Variants in DYNC1I1 observed in about 807,000 individuals in gnomAD.
DYNC1I1 encodes cytoplasmic dynein 1 intermediate chain 1.
Under a neutral mutation model 86.6 loss-of-function variants are expected in DYNC1I1, and 43 were observed. That is an observed-to-expected ratio of 0.50 (90% CI 0.39 to 0.64). The LOEUF is 0.64. DYNC1I1 is among the 30% of genes least tolerant of loss of function. DYNC1I1 has a pLI of 0.00. For synonymous variants in DYNC1I1, 262 were observed against 283.7 expected, an observed-to-expected ratio of 0.92 and a Z score of 0.77; for missense variants, 604 against 788.8, an observed-to-expected ratio of 0.77 and a Z score of 2.81.
intron 10 of DYNC1I1, among the ~76,000 whole-genome samples, chr7:96,014,146 AT>A (rs1472312073): frequency 1.3e-5 from 2 of 152,198 alleles, no homozygotes; most frequent in Non-Finnish European, 2.9e-5. Flanking sequence ...GAACAGAGTC[AT>A]GCTTTTGCAT....
chr7:96,085,566 G>A (rs1790653305), intron 16 of DYNC1I1, among the ~76,000 whole-genome samples: 1 of 152,118 alleles, frequency 6.6e-6, no homozygotes, highest in Non-Finnish European at 1.5e-5. Context: ...TTCACAGATA[G>A]GGGTCTATTT....
At chr7:95,960,000 T>C (rs745919095) in intron 6 of DYNC1I1, among the ~76,000 whole-genome samples, 11 of 152,158 alleles carry the variant, frequency 7.2e-5, no homozygotes, top group South Asian at 2.1e-4. Context: ...ACTTGTGCAG[T>C]GTAAGGATAA....
chr7:96,054,780 T>G (rs879415395), intron 14 of DYNC1I1, among the ~76,000 whole-genome samples: 9 of 152,264 alleles, frequency 5.9e-5, no homozygotes, highest in Non-Finnish European at 2.9e-5. Flanking sequence ...TTGAGAAGTG[T>G]CTGTTCATAT....
intron 10 of DYNC1I1, among the ~76,000 whole-genome samples, chr7:96,013,858 T>G (rs1794338944): frequency 6.6e-6 from 1 of 152,148 alleles, no homozygotes; most frequent in Non-Finnish European, 1.5e-5. Flanking sequence ...TTCTGAGGCT[T>G]CCAACTCCAA....
At chr7:96,091,413 T>C (rs1790842395) in intron 16 of DYNC1I1, among the ~76,000 whole-genome samples, 1 of 152,176 alleles carries the variant, frequency 6.6e-6, no homozygotes, top group South Asian at 2.1e-4. Flanking sequence ...ATTGAAAAAT[T>C]ACAAAGAGGC....
intron 6 of DYNC1I1, among the ~76,000 whole-genome samples, chr7:95,929,762 G>T (rs1399283469): frequency 1.3e-5 from 2 of 152,200 alleles, no homozygotes; most frequent in African/African-American, 4.8e-5. Flanking sequence ...TCATCATATG[G>T]TACATATGCA....
downstream of DYNC1I1, among the ~76,000 whole-genome samples, chr7:96,101,756 C>T (rs1791140502): frequency 6.6e-6 from 1 of 152,096 alleles, no homozygotes; most frequent in Non-Finnish European, 1.5e-5. Flanking sequence ...GGTACCTGGC[C>T]TCTGGGATAA....
chr7:96,064,210 A>ATCTCTCTCTCTC (rs10557179), intron 14 of DYNC1I1, among the ~76,000 whole-genome samples: 1 of 140,930 alleles, frequency 7.1e-6, no homozygotes, highest in African/African-American at 2.6e-5. Flanking sequence ...AAATATTCAT[A>ATCTCTCTCTCTC]TCTCTCTCTC....
intron 1 of DYNC1I1, among the ~76,000 whole-genome samples, chr7:95,791,705 T>A (rs370224191): frequency 6.6e-6 from 1 of 152,232 alleles, no homozygotes; most frequent in African/African-American, 2.4e-5. Flanking sequence ...TATAAATTAA[T>A]GGATTTTGCT....
intron 6 of DYNC1I1, among the ~76,000 whole-genome samples, chr7:95,960,106 T>A (rs1792826205): frequency 6.6e-6 from 1 of 152,116 alleles, no homozygotes; most frequent in South Asian, 2.1e-4. Flanking sequence ...TGCTGGAATG[T>A]TTTTGTTTTG....
chr7:95,887,569 T>C (rs1295885486), intron 6 of DYNC1I1, among the ~76,000 whole-genome samples: 3 of 152,208 alleles, frequency 2.0e-5, no homozygotes, highest in Non-Finnish European at 4.4e-5. Context: ...TTATATTTCC[T>C]ATCACTACCT....
chr7:95,901,903 A>C lies in DYNC1I1; in HGVS notation c.490+31905A>C, dbSNP rs533637289. ...TTAGGTTTGGCCTCAATCAACAACA[A>C]GAACTGATTTCCCTGGTGATGCTGA... On this transcript the variant is annotated intron_variant, in intron 6 of 16. Transcript: ENST00000447467. Among the ~76,000 whole-genome samples, 10 of 152,350 alleles carry C rather than the reference A, an allele frequency of 6.6e-5. No individual in the cohort carries two copies. In the South Asian group the frequency reaches 2.1e-3, roughly 32 times the overall value.
intron 6 of DYNC1I1, among the ~76,000 whole-genome samples, chr7:95,946,152 G>A (rs913810823): frequency 6.6e-6 from 1 of 151,970 alleles, no homozygotes; most frequent in African/African-American, 2.4e-5. Flanking sequence ...GGGCCTGTCA[G>A]GGGGGCAGGG....
chr7:95,933,303 G>T (rs1208620941), intron 6 of DYNC1I1, among the ~76,000 whole-genome samples: 3 of 152,170 alleles, frequency 2.0e-5, no homozygotes, highest in African/African-American at 7.2e-5. Flanking sequence ...CAGCAAAGAA[G>T]AGTCCAAATG....
intron 1 of DYNC1I1, among the ~76,000 whole-genome samples, chr7:95,779,269 T>C (rs1271418081): frequency 1.3e-5 from 2 of 152,150 alleles, no homozygotes; most frequent in Admixed American, 6.5e-5. Context: ...CTTTACAAGA[T>C]AGTAAAAAGC....
downstream of DYNC1I1, among the ~76,000 whole-genome samples, chr7:96,099,109 A>G (rs544705498): frequency 6.6e-6 from 1 of 152,368 alleles, no homozygotes; most frequent in South Asian, 2.1e-4. Context: ...TGGGAAAAAA[A>G]GTTTCACAGA....
chr7:96,103,397 C>G (rs141335511), downstream of DYNC1I1, among the ~76,000 whole-genome samples: 250 of 152,320 alleles, frequency 1.6e-3, 1 homozygote, highest in Middle Eastern at 3.4e-3. Flanking sequence ...TATTAGCAAT[C>G]TAACCCAAGC....
intron 6 of DYNC1I1, among the ~76,000 whole-genome samples, chr7:95,876,381 T>C (rs1790309623): frequency 6.6e-6 from 1 of 152,204 alleles, no homozygotes; most frequent in African/African-American, 2.4e-5. Flanking sequence ...ATATTTTAAA[T>C]GGTAAGGAAA....
At chr7:96,037,060 G>T (rs1195522370) in intron 13 of DYNC1I1, among the ~76,000 whole-genome samples, 1 of 152,138 alleles carries the variant, frequency 6.6e-6, no homozygotes, top group African/African-American at 2.4e-5. Context: ...GTGTTTTTGT[G>T]ATTTGTAGAA....
Sources: allele counts gnomAD v4.1 joint callset (sites outside exome capture counted in the v4.1 genomes callset), GRCh38; gene constraint gnomAD v4.1.1; transcripts MANE v1.5; gene names NCBI Gene and HGNC (gene_info 2026-07-23, HGNC 2026-07-21).